The following ALMS1 variants were observed in gnomAD, a reference collection of about 807,000 sequenced individuals.
The protein encoded by ALMS1 is ALMS1 centrosome and basal body associated protein, also known as centrosome-associated protein ALMS1.
ALMS1 carries 271 observed loss-of-function variants against 352.2 expected under a neutral mutation model. That is an observed-to-expected ratio of 0.77 (90% CI 0.70 to 0.85). The LOEUF (loss-of-function observed/expected upper bound fraction) is 0.85, where lower values mean the gene tolerates loss of function less well. Among genes scored for constraint, ALMS1 ranks in the 40% least tolerant of loss-of-function variants. The probability of loss-of-function intolerance (pLI) is 0.00; values close to 1 mark genes in which losing one functional copy is unlikely to be tolerated. For synonymous variants in ALMS1, 1,865 were observed against 1,761.2 expected (o/e 1.06, Z -1.48); for missense variants, 5,445 against 4,870.7 (o/e 1.12, Z -3.51).
chr2:73,449,542 T>G lies in ALMS1; in HGVS notation c.3015T>G (p.His1005Gln). Residue 1005 changes from histidine to glutamine, a missense_variant, in exon 8 of 23, where the codon CAT becomes CAG. Transcript: ENST00000613296. ...CAGTACCTTCAGGTTCCTTCTCACA[T>G]AGAGAGAAGCCCAGTATTTTCTATC... The part of the protein sequence containing the change: ...TPTVPSGSFS[H>Q]REKPSIFYQQ... The G allele has an allele frequency of 6.2e-7, 1 of 1,613,806 alleles. No homozygotes were observed. Among genetic ancestry groups the G allele is most frequent in the East Asian group, 2.2e-5 (1 of 44,854 alleles).
At chr2:73,548,837 G>A (rs570671493) in intron 12 of ALMS1, among the ~76,000 whole-genome samples, 1 of 152,300 alleles carries the variant, frequency 6.6e-6, no homozygotes, top group South Asian at 2.1e-4. Flanking sequence ...CCTAGGAAGA[G>A]AAGAGAGGCC....
chr2:73,473,410 T>G (rs1464187505), intron 9 of ALMS1, among the ~76,000 whole-genome samples: 1 of 151,986 alleles, frequency 6.6e-6, no homozygotes, highest in African/African-American at 2.4e-5. Flanking sequence ...TAAACAACAC[T>G]TACAACAAGC....
intron 21 of ALMS1, among the ~76,000 whole-genome samples, chr2:73,607,925 G>C (rs1675850152): frequency 6.6e-6 from 1 of 150,676 alleles, no homozygotes; most frequent in African/African-American, 2.4e-5. Context: ...GCCTCCCAAA[G>C]TGCTGGGTTT....
intron 6 of ALMS1, among the ~76,000 whole-genome samples, chr2:73,430,077 CT>C (rs541160037): frequency 1.2e-3 from 169 of 140,116 alleles, no homozygotes; most frequent in Middle Eastern, 3.7e-3. Context: ...GTATTACCTA[CT>C]TTTTTTTTTT....
intron 7 of ALMS1, among the ~76,000 whole-genome samples, chr2:73,435,236 G>A (rs899388978): frequency 6.6e-6 from 1 of 152,062 alleles, no homozygotes; most frequent in Non-Finnish European, 1.5e-5. Context: ...TAATCTGTTT[G>A]CATTTAATGT....
At chr2:73,593,631 A>G (rs747418153) in intron 16 of ALMS1, among the ~76,000 whole-genome samples, 2 of 152,164 alleles carry the variant, frequency 1.3e-5, no homozygotes, top group Admixed American at 6.5e-5. Flanking sequence ...GTACAGTTTA[A>G]TGGGTCTTGA....
At chr2:73,405,605 T>G (rs1670957400) in intron 1 of ALMS1, among the ~76,000 whole-genome samples, 1 of 152,056 alleles carries the variant, frequency 6.6e-6, no homozygotes, top group African/African-American at 2.4e-5. Context: ...TATTTTTTCC[T>G]TCTGATCACT....
chr2:73,448,564 T>A lies in ALMS1; in HGVS notation c.2037T>A (p.Tyr679Ter). 1 of 1,613,518 alleles carries A rather than the reference T, an allele frequency of 6.2e-7. No homozygotes were observed. Among genetic ancestry groups the A allele is most frequent in the Non-Finnish European group, 8.5e-7 (1 of 1,179,810 alleles). Residue 679 changes from tyrosine (Y) to a stop codon, truncating the protein, a stop_gained, in exon 8 of 23, where the codon TAT (tyrosine) becomes TAA (stop). Coordinates refer to ENST00000613296, the MANE Select transcript of ALMS1 (RefSeq NM_001378454.1). LOFTEE classifies it high-confidence loss of function. ...ATGTAGAGGACCTCCTCTTTTTCTA[T>A]CGACAGACCTTGCCAGATGGTCATC... is the stretch of plus-strand genomic sequence containing the variant. ...HSHVEDLLFF[Y>*]RQTLPDGHLT...
At chr2:73,465,044 C>T (rs1050697525) in intron 9 of ALMS1, among the ~76,000 whole-genome samples, 1 of 152,118 alleles carries the variant, frequency 6.6e-6, no homozygotes. Context: ...AGATTCAATG[C>T]CATCCCCATC....
Position 73,491,282 on chromosome 2 carries a change from C to G in ALMS1, c.9323C>G (p.Ala3108Gly). 6.2e-7 allele frequency: 1 copy of G among 1,614,132 alleles called. No homozygotes were observed. The highest frequency in any genetic ancestry group is 1.3e-5 in the African/African-American group (1 of 75,056). Residue 3108 changes from alanine to glycine, a missense_variant, in exon 10 of 23, where the codon GCA becomes GGA. Physicochemically the swap from Ala to Gly is moderately conservative, Grantham distance 60 (BLOSUM62 0). Transcript: ENST00000613296. Reference sequence around the variant, plus strand: ...AAATTATTGACCAGTAAACCTGTAGCACAGGATCAAGAATCTTTAGGTTTT... The same window carrying G: ...AAATTATTGACCAGTAAACCTGTAGGACAGGATCAAGAATCTTTAGGTTTT... ...TSKLLTSKPVAQDQESLGFLG... is the reference protein window; with the variant it reads ...TSKLLTSKPVGQDQESLGFLG...
At position 73,449,932 on chromosome 2, in the gene ALMS1, C is replaced by G. The variant is rs1671892631; in HGVS notation, c.3405C>G (p.Gly1135=). The G allele has an allele frequency of 5.0e-6, 8 of 1,613,626 alleles. No homozygotes were observed. Among genetic ancestry groups the G allele is most frequent in the Non-Finnish European group, 6.8e-6 (8 of 1,179,876 alleles). ...CTGGACTAGCAGACCAGAAGACTGG[C>G]ACACCAACTGTAACCTCAACTTCCT... ...VAPGLADQKT[G]TPTVTSTSYS... Residue 1135 remains glycine, a synonymous_variant, in exon 8 of 23, where the codon GGC becomes GGG. Coordinates refer to ENST00000613296, the MANE Select transcript of ALMS1 (RefSeq NM_001378454.1).
rs552397216 is a variant in ALMS1, at chr2:73,423,543, A to T, written c.764+569A>T. 2.7e-5 allele frequency among the ~76,000 whole-genome samples: 4 copies of T among 146,902 alleles called. No homozygotes were observed. The East Asian group carries it at 7.7e-4, about 28-fold the overall frequency. On this transcript the variant is annotated intron_variant, in intron 4 of 22. Transcript: ENST00000613296. ...CTGGAATTTTCAAAACATATTTGGA[A>T]TTATTCAAGAATATGTTTTCTTCTT...
At chr2:73,407,857 G>A (rs969186837) in intron 1 of ALMS1, among the ~76,000 whole-genome samples, 1 of 152,020 alleles carries the variant, frequency 6.6e-6, no homozygotes, top group Non-Finnish European at 1.5e-5. Flanking sequence ...TGTGCACCTT[G>A]TATCTTTCTT....
intron 10 of ALMS1, among the ~76,000 whole-genome samples, chr2:73,517,075 C>CT (rs796616968): frequency 2.6e-5 from 4 of 151,604 alleles, no homozygotes; most frequent in African/African-American, 7.3e-5. Context: ...GGAAATTGAC[C>CT]TTTTTTTTCT....
intron 11 of ALMS1, among the ~76,000 whole-genome samples, 162 bp downstream of exon 11, chr2:73,520,178 A>C (rs1462159634): frequency 6.6e-6 from 1 of 152,216 alleles, no homozygotes; most frequent in African/African-American, 2.4e-5. Context: ...CTGTCAACAG[A>C]ATATGATTTA....
intron 15 of ALMS1, among the ~76,000 whole-genome samples, chr2:73,560,989 A>C (rs1050563602): frequency 6.6e-6 from 1 of 152,244 alleles, no homozygotes; most frequent in African/African-American, 2.4e-5. Flanking sequence ...TACACACTTC[A>C]CAAAAGGGGA....
intron 2 of ALMS1, among the ~76,000 whole-genome samples, chr2:73,410,776 C>T (rs1671061051): frequency 6.6e-6 from 1 of 151,978 alleles, no homozygotes; most frequent in African/African-American, 2.4e-5. Flanking sequence ...AGGAAAAAAG[C>T]TCATGTAGAG....
intron 11 of ALMS1, among the ~76,000 whole-genome samples, chr2:73,522,004 TA>T (rs1220430429): frequency 6.6e-6 from 1 of 152,126 alleles, no homozygotes; most frequent in Non-Finnish European, 1.5e-5. Flanking sequence ...GCTTACCCAT[TA>T]GTCTGAATTA....
intron 7 of ALMS1, among the ~76,000 whole-genome samples, chr2:73,435,409 A>T (rs965289556): frequency 2.0e-5 from 3 of 151,934 alleles, no homozygotes; most frequent in Non-Finnish European, 4.4e-5. Context: ...AGTTTTTTTT[A>T]AAGTTATATT....
Sources: allele counts gnomAD v4.1 joint callset (sites outside exome capture counted in the v4.1 genomes callset), GRCh38; gene constraint gnomAD v4.1.1; transcripts MANE v1.5; gene names NCBI Gene and HGNC (gene_info 2026-07-23, HGNC 2026-07-21).